Variants in PFKP observed in about 807,000 individuals in gnomAD.
PFKP encodes ATP-dependent 6-phosphofructokinase, platelet type.
In PFKP, 101 loss-of-function variants were observed where a neutral mutation model predicts 94.3. That is an observed-to-expected ratio of 1.07 (90% CI 0.91 to 1.26). The LOEUF (loss-of-function observed/expected upper bound fraction) is 1.26, where lower values mean the gene tolerates loss of function less well. Among genes scored for constraint, PFKP ranks in the 50% most tolerant of loss-of-function variants. The pLI is 0.00. For synonymous variants in PFKP, 573 were observed against 432.6 expected (o/e 1.32, Z -4.03); for missense variants, 1,145 against 1,103.3 (o/e 1.04, Z -0.53).
At chr10:3,115,995 A>G (rs76496015) in intron 13 of PFKP, among the ~76,000 whole-genome samples, 13,935 of 152,176 alleles carry the variant, frequency 0.092, 713 homozygotes, top group African/African-American at 0.14. Context: ...TCCTGGGTGG[A>G]TCTTGCTTTC....
At position 3,136,651 on chromosome 10, in the gene PFKP, A is replaced by T. The variant is rs915831826; in HGVS notation, c.*72A>T. Reference sequence around the variant, plus strand: ...TTTGTAACACTTAAGTTATTTTATCAGCACTTTATGCACGTATTATTGACA... The same window carrying T: ...TTTGTAACACTTAAGTTATTTTATCTGCACTTTATGCACGTATTATTGACA... On this transcript the variant is annotated 3_prime_UTR_variant, in exon 22 of 22. Coordinates refer to ENST00000381125, the MANE Select transcript of PFKP (RefSeq NM_002627.5). 185 of 1,527,424 alleles carry T rather than the reference A, an allele frequency of 1.2e-4. No homozygotes were observed. Among genetic ancestry groups the T allele is most frequent in the Non-Finnish European group, 1.6e-4 (178 of 1,114,070 alleles). The allele number at this position is 1,527,424 out of a possible 1,614,324, so 94.6% of individuals were successfully genotyped here. A position where few individuals can be genotyped will look rare whatever the true frequency, so the allele number is the denominator to read the frequency against.
rs1201297216 is a variant in PFKP at position 3,136,638 on chromosome 10, AAGTT to A, written c.*61_*64del. On this transcript the variant is annotated 3_prime_UTR_variant, in exon 22 of 22. Coordinates refer to ENST00000381125, the MANE Select transcript of PFKP (RefSeq NM_002627.5). ...TGGACTGTCTGTTTTTGTAACACTT[AAGTT>A]ATTTTATCAGCACTTTATGCACGTA... 2.5e-6 allele frequency: 4 copies of A among 1,571,338 alleles called. No individual in the cohort carries two copies. The East Asian group carries it at 9.2e-5, about 36-fold the overall frequency.
intron 20 of PFKP, among the ~76,000 whole-genome samples, chr10:3,135,491 C>A (rs1042285765): frequency 6.6e-6 from 1 of 152,212 alleles, no homozygotes; most frequent in African/African-American, 2.4e-5. Context: ...GTGAAAAATT[C>A]TCTCCACTGG....
intron 8 of PFKP, among the ~76,000 whole-genome samples, chr10:3,108,343 G>T (rs1235037160): frequency 1.3e-5 from 2 of 152,208 alleles, no homozygotes; most frequent in Non-Finnish European, 2.9e-5. Context: ...ATTAAAGCTG[G>T]TTCAAGGAAG....
chr10:3,102,264 A>AAAAAAAAAAC (rs1331731976), intron 4 of PFKP, among the ~76,000 whole-genome samples: 1 of 146,994 alleles, frequency 6.8e-6, no homozygotes, highest in Non-Finnish European at 1.5e-5. Flanking sequence ...AAAAAAAAAA[A>AAAAAAAAAAC]AAAAAAAAAC....
intron 16 of PFKP, among the ~76,000 whole-genome samples, chr10:3,120,464 G>T (rs1837298803): frequency 6.6e-6 from 1 of 151,932 alleles, no homozygotes; most frequent in South Asian, 2.1e-4. Context: ...TGATGCTGAG[G>T]GTAGAAATTG....
At chr10:3,102,176 G>A (rs796918812) in intron 4 of PFKP, among the ~76,000 whole-genome samples, 73 of 141,060 alleles carry the variant, frequency 5.2e-4, no homozygotes, top group African/African-American at 1.8e-3. Flanking sequence ...GCGTGAACCC[G>A]GGAGGCGGAG....
intron 3 of PFKP, among the ~76,000 whole-genome samples, chr10:3,100,612 C>A (rs1834898840): frequency 6.6e-6 from 1 of 152,120 alleles, no homozygotes; most frequent in South Asian, 2.1e-4. Flanking sequence ...CAGAGACAAC[C>A]CCTGCTGTGC....
chr10:3,121,076 T>C (rs1338117505), intron 16 of PFKP, among the ~76,000 whole-genome samples: 1 of 152,226 alleles, frequency 6.6e-6, no homozygotes, highest in East Asian at 1.9e-4. Flanking sequence ...AAAACAAGCT[T>C]TTAACATACA....
At chr10:3,078,561 A>G (rs767441002) in intron 1 of PFKP, among the ~76,000 whole-genome samples, 3 of 152,230 alleles carry the variant, frequency 2.0e-5, no homozygotes, top group Admixed American at 2.0e-4. Context: ...TCAAGTTCCC[A>G]TTGGTGACTC....
chr10:3,136,803 C>T (rs1376072745), downstream of PFKP: 2 of 425,198 alleles, frequency 4.7e-6, no homozygotes, highest in African/African-American at 2.0e-5. Context: ...ATGACTCCAA[C>T]AGTCCTCTGT....
At chr10:3,096,598 A>G (rs1424402926) in intron 2 of PFKP, among the ~76,000 whole-genome samples, 2 of 151,264 alleles carry the variant, frequency 1.3e-5, no homozygotes, top group African/African-American at 4.9e-5. Context: ...TCGTGCCTCT[A>G]AGAAGGGTCC....
intron 10 of PFKP, among the ~76,000 whole-genome samples, chr10:3,110,707 T>C (rs1431221842): frequency 1.3e-5 from 2 of 152,166 alleles, no homozygotes; most frequent in African/African-American, 4.8e-5. Flanking sequence ...CAGGCTTGTG[T>C]CTCTGTGTGT....
At chr10:3,069,521 A>C in intron 1 of PFKP, 1 of 766,420 alleles carries the variant, frequency 1.3e-6, no homozygotes, top group Non-Finnish European at 2.0e-6. Flanking sequence ...TTGGCACAGG[A>C]AGAGGAACTG....
chr10:3,123,625 C>G (rs184681378), intron 16 of PFKP, among the ~76,000 whole-genome samples: 3 of 152,230 alleles, frequency 2.0e-5, no homozygotes, highest in Non-Finnish European at 4.4e-5. Context: ...CGGCTCCCCA[C>G]AGCCAGTCTT....
intron 16 of PFKP, chr10:3,125,239 C>G: frequency 7.6e-7 from 1 of 1,318,270 alleles, no homozygotes; most frequent in Non-Finnish European, 1.0e-6. Context: ...GGCCTGAATG[C>G]TGTTGTTGAG....
At chr10:3,084,100 A>G (rs1248399481) in intron 2 of PFKP, among the ~76,000 whole-genome samples, 1 of 152,200 alleles carries the variant, frequency 6.6e-6, no homozygotes, top group Non-Finnish European at 1.5e-5. Flanking sequence ...TTAATATTCA[A>G]AGCGATTTGA....
At chr10:3,107,850 C>G (rs1835790604) in intron 8 of PFKP, 1 of 1,279,938 alleles carries the variant, frequency 7.8e-7, no homozygotes, top group Non-Finnish European at 1.0e-6. Context: ...GCCTGCCTGT[C>G]TGGAGAGGAC....
rs752045514 is a variant in PFKP at position 3,105,149 on chromosome 10, C to T, written c.655C>T (p.Arg219Ter). The change falls in exon 6 of 22, where the codon CGA becomes TGA. Residue 219 changes from arginine to a stop codon, truncating the protein, a stop_gained. Coordinates refer to ENST00000381125, the MANE Select transcript of PFKP (RefSeq NM_002627.5). LOFTEE classifies it high-confidence loss of function. ...GACCTTCGTTCTGGAGGTGATGGGACGACACTGTGGGTACGTACCTGCGGT... is the reference window on the plus strand; with the variant it reads ...GACCTTCGTTCTGGAGGTGATGGGATGACACTGTGGGTACGTACCTGCGGT... ...QRTFVLEVMG[R>*]HCGYLALVSA... The T allele has an allele frequency of 1.1e-5, 17 of 1,613,666 alleles. No homozygotes were observed. Among genetic ancestry groups the T allele is most frequent in the African/African-American group, 1.3e-5 (1 of 74,824 alleles).
Sources: gnomAD v4.1 joint callset for allele counts (sites outside exome capture counted in the v4.1 genomes callset) on GRCh38, gnomAD v4.1.1 for gene constraint, MANE v1.5 for transcripts, NCBI Gene and HGNC (gene_info 2026-07-23, HGNC 2026-07-21) for gene names.